The following SUMF1 variants were observed in gnomAD, a reference collection of about 807,000 sequenced individuals.
SUMF1 encodes the protein formylglycine-generating enzyme.
SUMF1 carries 48 observed loss-of-function variants against 47.6 expected under a neutral mutation model. That is an observed-to-expected ratio of 1.01 (90% confidence interval 0.80 to 1.28). The LOEUF is 1.28. Among genes scored for constraint, SUMF1 ranks in the 50% most tolerant of loss-of-function variants. The pLI, the probability that SUMF1 is intolerant of heterozygous loss-of-function variation, is 0.00. For missense variants in SUMF1, 571 were observed against 485.4 expected, an observed-to-expected ratio of 1.18 and a Z score of -1.66; for synonymous variants, 230 against 192.1, an observed-to-expected ratio of 1.20 and a Z score of -1.63.
intron 8 of SUMF1, among the ~76,000 whole-genome samples, chr3:4,200,451 C>G (rs1695517323): frequency 6.6e-6 from 1 of 152,058 alleles, no homozygotes; most frequent in Admixed American, 6.6e-5. Context: ...AGCTGGGACA[C>G]CCTTCTCCTA....
intron 8 of SUMF1, among the ~76,000 whole-genome samples, chr3:4,130,149 G>T (rs1693752390): frequency 6.6e-6 from 1 of 152,180 alleles, no homozygotes; most frequent in Non-Finnish European, 1.5e-5. Flanking sequence ...CATTTGGCCT[G>T]TGCAGAAGAC....
At chr3:4,043,062 G>C (rs986871315) in intron 9 of SUMF1, among the ~76,000 whole-genome samples, 1 of 152,118 alleles carries the variant, frequency 6.6e-6, no homozygotes. Flanking sequence ...GCAGAGTTGA[G>C]CATTCGTTCC....
chr3:4,161,053 C>T (rs192671964), intron 8 of SUMF1, among the ~76,000 whole-genome samples: 3 of 152,244 alleles, frequency 2.0e-5, no homozygotes, highest in African/African-American at 4.8e-5. Flanking sequence ...AGGGAACACC[C>T]CAAGCCCAGT....
At chr3:4,289,167 A>G (rs1697692909) in intron 8 of SUMF1, among the ~76,000 whole-genome samples, 1 of 152,238 alleles carries the variant, frequency 6.6e-6, no homozygotes, top group South Asian at 2.1e-4. Context: ...AATGGGGAAG[A>G]TAGTGACAGA....
At chr3:4,114,899 G>C (rs1452588513) in intron 8 of SUMF1, among the ~76,000 whole-genome samples, 1 of 152,086 alleles carries the variant, frequency 6.6e-6, no homozygotes, top group Non-Finnish European at 1.5e-5. Context: ...TCTAGTCCTT[G>C]TGATATGGGA....
chr3:4,202,575 C>G (rs889232799), intron 8 of SUMF1, among the ~76,000 whole-genome samples: 6 of 151,840 alleles, frequency 4.0e-5, no homozygotes, highest in Admixed American at 2.0e-4. Context: ...TTCCAAATGG[C>G]TTTGGCTATT....
chr3:4,071,614 T>C (rs1016099565), intron 8 of SUMF1, among the ~76,000 whole-genome samples: 1 of 152,072 alleles, frequency 6.6e-6, no homozygotes, highest in Non-Finnish European at 1.5e-5. Flanking sequence ...TGGAGCTTAG[T>C]GGGGGGAGGG....
At chr3:4,118,315 C>T (rs1281426917) in intron 8 of SUMF1, among the ~76,000 whole-genome samples, 1 of 151,596 alleles carries the variant, frequency 6.6e-6, no homozygotes, top group African/African-American at 2.4e-5. Flanking sequence ...ATGTAAGTGT[C>T]ATTATCCACA....
intron 8 of SUMF1, among the ~76,000 whole-genome samples, chr3:4,131,124 G>T (rs1192858364): frequency 1.3e-5 from 2 of 152,122 alleles, no homozygotes; most frequent in African/African-American, 4.8e-5. Flanking sequence ...GCGTCATCAA[G>T]TCACCATATG....
In SUMF1 at chr3:4,418,102, C is replaced by A. The variant is rs1427996768; in HGVS notation, c.633G>T (p.Trp211Cys). The A allele has an allele frequency of 1.2e-6, 2 of 1,614,098 alleles. No homozygotes were observed. Among genetic ancestry groups the A allele is most frequent in the South Asian group, 1.1e-5 (1 of 91,082 alleles). Reference sequence around the variant, plus strand: ...AAGTGCAGTAGGCAACCGCATCATTCCAGGACACATGGAGAACTGGATGAT... The same window carrying A: ...AAGTGCAGTAGGCAACCGCATCATTACAGGACACATGGAGAACTGGATGAT... ...RPDHPVLHVS[W>C]NDAVAYCTWA... is the part of the protein sequence containing the mutation. The change falls in exon 5 of 9, where the codon TGG (tryptophan) becomes TGT (cysteine). Residue 211 changes from tryptophan (W) to cysteine (C), a missense_variant. Coordinates refer to ENST00000272902, the MANE Select transcript of SUMF1 (RefSeq NM_182760.4).
At chr3:4,240,042 T>G (rs961223619) in intron 8 of SUMF1, among the ~76,000 whole-genome samples, 3 of 152,164 alleles carry the variant, frequency 2.0e-5, no homozygotes, top group Non-Finnish European at 4.4e-5. Context: ...GTTTTTGTCA[T>G]TAGTTCTGTT....
chr3:4,084,896 C>T (rs1262854233), intron 8 of SUMF1, among the ~76,000 whole-genome samples: 4 of 152,066 alleles, frequency 2.6e-5, no homozygotes, highest in Non-Finnish European at 5.9e-5. Context: ...ACGTCTTTCC[C>T]AGTTTTCAAC....
chr3:4,322,231 A>G (rs1698851926), intron 8 of SUMF1, among the ~76,000 whole-genome samples: 1 of 152,148 alleles, frequency 6.6e-6, no homozygotes, highest in African/African-American at 2.4e-5. Context: ...ATCTGAATCA[A>G]CTATGGTCTT....
At chr3:4,147,187 G>A (rs536486275) in intron 8 of SUMF1, among the ~76,000 whole-genome samples, 18 of 152,054 alleles carry the variant, frequency 1.2e-4, no homozygotes, top group Admixed American at 7.2e-4. Flanking sequence ...GAGGATGTGG[G>A]GAAATAGGAA....
At chr3:4,213,795 G>A (rs970184497) in intron 8 of SUMF1, among the ~76,000 whole-genome samples, 1 of 152,112 alleles carries the variant, frequency 6.6e-6, no homozygotes, top group African/African-American at 2.4e-5. Flanking sequence ...AACCAACAAA[G>A]ATCAAAAGAG....
In SUMF1 at chr3:4,353,015, T is replaced by C. The variant is rs528634910; in HGVS notation, c.1014+23315A>G. ...TCCTAGATGAACAGCTCTCAGGTTT[T>C]TTGGTTTCAGGATCCCTTTACACTC... On this transcript the variant is annotated intron_variant and NMD_transcript_variant, in intron 8 of 12. Transcript: ENST00000448413. Among the ~76,000 whole-genome samples the C allele has an allele frequency of 8.5e-5, 13 of 152,332 alleles. 1 individual carries two copies. In the South Asian group the frequency reaches 1.2e-3, roughly 15 times the overall value.
downstream of SUMF1, among the ~76,000 whole-genome samples, chr3:4,360,391 G>A (rs1296493040): frequency 5.3e-5 from 8 of 151,090 alleles, no homozygotes; most frequent in African/African-American, 1.5e-4. Context: ...GCAATGGCGC[G>A]ATCTCGGCTC....
intron 3 of SUMF1, among the ~76,000 whole-genome samples, chr3:4,421,031 T>G: frequency 6.6e-6 from 1 of 152,172 alleles, no homozygotes; most frequent in East Asian, 1.9e-4. Flanking sequence ...AGAGGTCAAG[T>G]GAGGTAAGAT....
chr3:4,099,225 C>G (rs547934507), intron 8 of SUMF1, among the ~76,000 whole-genome samples: 35 of 152,142 alleles, frequency 2.3e-4, no homozygotes, highest in Middle Eastern at 6.8e-3. Context: ...CTCCCCACTC[C>G]GTACACCAGC....
Sources: allele counts gnomAD v4.1 joint callset (sites outside exome capture counted in the v4.1 genomes callset), GRCh38; gene constraint gnomAD v4.1.1; transcripts MANE v1.5; gene names NCBI Gene and HGNC (gene_info 2026-07-23, HGNC 2026-07-21).